Variants in GFRA2 observed in about 807,000 individuals in gnomAD.
GFRA2 encodes the protein GDNF family receptor alpha 2.
In GFRA2, 17 loss-of-function variants were observed where a neutral mutation model predicts 48.3. The observed-to-expected ratio is 0.35, with a 90% CI of 0.24 to 0.53. GFRA2 has a LOEUF of 0.53. GFRA2 is among the 20% of genes least tolerant of loss of function. The pLI is 0.93. For synonymous variants in GFRA2, 305 were observed against 257.2 expected (o/e 1.19, Z -1.78); for missense variants, 660 against 637.3 (o/e 1.04, Z -0.38).
rs1056140283 is a variant in GFRA2 at position 21,698,960 on chromosome 8, T to C, written c.1218+3845A>G. The stretch of plus-strand genomic sequence containing the variant: ...AGGCACTGTTATGCCCACGGGTCCT[T>C]GGCCTCCACTCCCAGTCAACGCACT... On this transcript the variant is annotated intron_variant, in intron 7 of 8. Transcript: ENST00000524240. Among the ~76,000 whole-genome samples the C allele has an allele frequency of 2.0e-5, 3 of 152,274 alleles. 1 individual carries two copies. The highest frequency in any genetic ancestry group is 2.4e-5 in the African/African-American group (1 of 41,554).
intron 4 of GFRA2, among the ~76,000 whole-genome samples, chr8:21,706,650 C>T (rs1195453963): frequency 1.3e-5 from 2 of 152,190 alleles, no homozygotes; most frequent in Non-Finnish European, 1.5e-5. Context: ...CCCTCCACCC[C>T]TACCCTAGTC....
chr8:21,758,259 C>T (rs2117628999), intron 3 of GFRA2, among the ~76,000 whole-genome samples: 1 of 152,128 alleles, frequency 6.6e-6, no homozygotes, highest in African/African-American at 2.4e-5. Flanking sequence ...GCAAGCCTGC[C>T]CTTCACAGAC....
At chr8:21,777,268 G>A (rs1015328203) in intron 2 of GFRA2, among the ~76,000 whole-genome samples, 2 of 152,162 alleles carry the variant, frequency 1.3e-5, no homozygotes, top group African/African-American at 4.8e-5. Context: ...AATAAGTACT[G>A]TTGTTCCCCT....
At chr8:21,701,638 C>T (rs1347105756) in intron 7 of GFRA2, among the ~76,000 whole-genome samples, 1 of 152,142 alleles carries the variant, frequency 6.6e-6, no homozygotes, top group East Asian at 1.9e-4. Context: ...GCCTAACATT[C>T]GTGCAGCATT....
chr8:21,714,236 G>A (rs112255690), intron 4 of GFRA2, among the ~76,000 whole-genome samples: 1,880 of 125,940 alleles, frequency 0.015, 40 homozygotes, highest in East Asian at 0.079. Context: ...ATACATACTG[G>A]TCTGAAGTTC....
chr8:21,737,072 G>C (rs898518551), intron 4 of GFRA2, among the ~76,000 whole-genome samples: 1 of 152,108 alleles, frequency 6.6e-6, no homozygotes. Context: ...ATGCTGGCAA[G>C]GGGGCCTGCA....
intron 4 of GFRA2, among the ~76,000 whole-genome samples, chr8:21,712,426 G>A (rs1364726379): frequency 9.9e-5 from 15 of 151,866 alleles, no homozygotes; most frequent in Middle Eastern, 6.9e-3. Context: ...GGGCAGAGAC[G>A]CTCCTCACTT....
chr8:21,784,291 C>A, intron 1 of GFRA2: 1 of 456,230 alleles, frequency 2.2e-6, no homozygotes, highest in Non-Finnish European at 4.4e-6. Flanking sequence ...CGAGATCCTG[C>A]CACCAGGAAA....
At chr8:21,719,202 G>T (rs1413729701) in intron 4 of GFRA2, among the ~76,000 whole-genome samples, 5 of 152,086 alleles carry the variant, frequency 3.3e-5, no homozygotes, top group Non-Finnish European at 5.9e-5. Flanking sequence ...CAGAGCAGGG[G>T]GTCCAAGTCT....
At chr8:21,726,570 T>C (rs1300381269) in intron 4 of GFRA2, among the ~76,000 whole-genome samples, 1 of 152,152 alleles carries the variant, frequency 6.6e-6, no homozygotes, top group Non-Finnish European at 1.5e-5. Flanking sequence ...TTCCGGCTTC[T>C]GGTGGCGCCC....
At chr8:21,784,516 G>A (rs1464164163) in intron 1 of GFRA2, among the ~76,000 whole-genome samples, 3 of 152,196 alleles carry the variant, frequency 2.0e-5, no homozygotes, top group African/African-American at 7.2e-5. Flanking sequence ...ACCGCAGGGA[G>A]ACAGCGACAC....
intron 7 of GFRA2, among the ~76,000 whole-genome samples, chr8:21,695,243 CATG>C (rs1219536600): frequency 1.3e-5 from 2 of 152,178 alleles, no homozygotes; most frequent in Admixed American, 1.3e-4. Flanking sequence ...AGAGGGCGCA[CATG>C]ATGAACGGCC....
At chr8:21,742,435 A>G (rs551499841) in intron 4 of GFRA2, among the ~76,000 whole-genome samples, 1 of 152,332 alleles carries the variant, frequency 6.6e-6, no homozygotes, top group African/African-American at 2.4e-5. Flanking sequence ...TCAAGGTGCC[A>G]TCAAGAACCC....
intron 4 of GFRA2, among the ~76,000 whole-genome samples, chr8:21,739,551 T>A (rs1465377737): frequency 1.3e-5 from 2 of 152,188 alleles, no homozygotes; most frequent in Non-Finnish European, 2.9e-5. Flanking sequence ...GCATGAGGCC[T>A]CTGAGTCTTC....
At chr8:21,703,726 G>A (rs10103325) in intron 6 of GFRA2, among the ~76,000 whole-genome samples, 6,283 of 152,154 alleles carry the variant, frequency 0.041, 422 homozygotes, top group African/African-American at 0.14. Context: ...CTGGCAGCCC[G>A]CTGAGCTCAC....
At chr8:21,703,538 C>T (rs1475864129) in intron 6 of GFRA2, among the ~76,000 whole-genome samples, 1 of 152,188 alleles carries the variant, frequency 6.6e-6, no homozygotes, top group Non-Finnish European at 1.5e-5. Flanking sequence ...CTCCACGAGC[C>T]ACACACATCT....
chr8:21,809,854 C>A (rs543670035), intron 1 of GFRA2, among the ~76,000 whole-genome samples: 30 of 152,190 alleles, frequency 2.0e-4, no homozygotes, highest in African/African-American at 7.0e-4. Context: ...TAGAACACGG[C>A]CCAGGAAGGG....
At chr8:21,771,310 C>T (rs1806426983) in intron 3 of GFRA2, among the ~76,000 whole-genome samples, 2 of 152,230 alleles carry the variant, frequency 1.3e-5, no homozygotes, top group African/African-American at 4.8e-5. Flanking sequence ...CTTTCAAGGG[C>T]AGTTTGAATT....
At chr8:21,719,043 C>T (rs1452844578) in intron 4 of GFRA2, among the ~76,000 whole-genome samples, 3 of 152,132 alleles carry the variant, frequency 2.0e-5, no homozygotes, top group Non-Finnish European at 4.4e-5. Flanking sequence ...CAGCCTGGAG[C>T]TCACCCAGTG....
Sources: gnomAD v4.1 joint callset for allele counts (sites outside exome capture counted in the v4.1 genomes callset) on GRCh38, gnomAD v4.1.1 for gene constraint, MANE v1.5 for transcripts, NCBI Gene and HGNC (gene_info 2026-07-23, HGNC 2026-07-21) for gene names.